The following NTAN1 variants were observed in gnomAD, a reference collection of about 807,000 sequenced individuals.
The protein encoded by NTAN1 is protein N-terminal asparagine amidohydrolase.
NTAN1 carries 32 observed loss-of-function variants against 41.9 expected under a neutral mutation model. That is an observed-to-expected ratio of 0.76 (90% CI 0.58 to 1.03). NTAN1 has a LOEUF of 1.03. Ranked by LOEUF, NTAN1 falls within the 50% of genes least tolerant of loss-of-function variation. NTAN1 has a pLI of 0.00. For synonymous variants in NTAN1, 140 were observed against 139.5 expected, an observed-to-expected ratio of 1.00 and a Z score of -0.03; for missense variants, 377 against 377.5, an observed-to-expected ratio of 1.00 and a Z score of 0.01.
intron 1 of NTAN1, among the ~76,000 whole-genome samples, chr16:15,052,546 A>T (rs1013287538): frequency 5.3e-5 from 8 of 152,178 alleles, no homozygotes; most frequent in Admixed American, 2.0e-4. Context: ...TATATAAGAA[A>T]TTATGAGGCC....
intron 1 of NTAN1, among the ~76,000 whole-genome samples, chr16:15,053,895 GAAC>G (rs2044394531): frequency 6.6e-6 from 1 of 152,140 alleles, no homozygotes; most frequent in South Asian, 2.1e-4. Context: ...CTGGGCCACA[GAAC>G]AAAACTAAGT....
chr16:15,044,288 C>G (rs757361107), intron 5 of NTAN1, 46 bp downstream of exon 5: 1 of 1,310,810 alleles, frequency 7.6e-7, no homozygotes, highest in African/African-American at 1.5e-5. Flanking sequence ...AATATGGGTA[C>G]ATATTTATGT....
In NTAN1 at chr16:15,041,575, C is replaced by T. The variant is rs141773371; in HGVS notation, c.487+48G>A. On this transcript the variant is annotated intron_variant, in intron 6 of 9. Coordinates refer to ENST00000287706, the MANE Select transcript of NTAN1 (RefSeq NM_173474.4). ...GCCCACTGCAAGACTGGGGACAAAACGGTCCTGAGACCCACATCTTTGCTT... is the reference window on the plus strand; with the variant it reads ...GCCCACTGCAAGACTGGGGACAAAATGGTCCTGAGACCCACATCTTTGCTT... The T allele has an allele frequency of 1.1e-4, 147 of 1,352,470 alleles. 1 individual carries two copies. In the African/African-American group the frequency reaches 1.5e-3, roughly 14 times the overall value. The allele number at this position is 1,352,470 out of a possible 1,614,324, so 83.8% of individuals were successfully genotyped here.
Position 15,048,110 on chromosome 16 carries a change from A to G in NTAN1, c.82-11T>C, listed in dbSNP as rs571934106. Reference sequence around the variant, plus strand: ...AAGTCTGGCTCTTTCCTGTTTAATTAAAAAAAAAATAAAATAGTGATGTAA... The same window carrying G: ...AAGTCTGGCTCTTTCCTGTTTAATTGAAAAAAAAATAAAATAGTGATGTAA... On this transcript the variant is annotated splice_polypyrimidine_tract_variant and intron_variant, in intron 1 of 9. Coordinates refer to ENST00000287706, the MANE Select transcript of NTAN1 (RefSeq NM_173474.4). 4.3e-6 allele frequency: 5 copies of G among 1,157,398 alleles called. No individual in the cohort carries two copies. In the South Asian group the frequency reaches 7.6e-5, roughly 18 times the overall value. The allele number at this position is 1,157,398 out of a possible 1,614,324, so 71.7% of individuals were successfully genotyped here.
intron 1 of NTAN1, among the ~76,000 whole-genome samples, chr16:15,048,732 T>C (rs2044179229): frequency 6.6e-6 from 1 of 152,154 alleles, no homozygotes; most frequent in Non-Finnish European, 1.5e-5. Context: ...CAAGCGATCC[T>C]ACCACCTTAG....
In NTAN1 at chr16:15,044,426, G is replaced by A. The variant is rs755891128; in HGVS notation, c.360-19C>T. The A allele has an allele frequency of 5.3e-5, 84 of 1,582,156 alleles. No individual in the cohort carries two copies. The highest frequency in any genetic ancestry group is 2.7e-5 in the African/African-American group (2 of 74,302). On this transcript the variant is annotated intron_variant, in intron 4 of 9. Transcript: ENST00000287706. Reference sequence around the variant, plus strand: ...TTCCAGCCTGGCAAAGAGATGAGACGGGTCAGAGGCCAGAAGAAGACACCG... The same window carrying A: ...TTCCAGCCTGGCAAAGAGATGAGACAGGTCAGAGGCCAGAAGAAGACACCG...
rs139773894 is a variant in NTAN1, at chr16:15,056,017, C to T, written c.-46G>A. On this transcript the variant is annotated 5_prime_UTR_variant, in exon 1 of 10. Coordinates refer to ENST00000287706, the MANE Select transcript of NTAN1 (RefSeq NM_173474.4). ...CAGGCCCAGGGAGGCGGCGGCCCCC[C>T]GCTTTGCAGCCCCGGGCCGCCCGCC... 3.2e-5 allele frequency: 33 copies of T among 1,030,728 alleles called. No individual in the cohort carries two copies. The highest frequency in any genetic ancestry group is 1.2e-4 in the East Asian group (3 of 24,982). 63.8% of individuals were successfully genotyped at this position (1,030,728 alleles called of 1,614,324 possible).
chr16:15,048,070 A>T lies in NTAN1; in HGVS notation c.111T>A (p.Ser37=). 6.2e-7 allele frequency: 1 copy of T among 1,612,348 alleles called. No individual in the cohort carries two copies. Among genetic ancestry groups the T allele is most frequent in the Non-Finnish European group, 8.5e-7 (1 of 1,178,460 alleles). Residue 37 remains serine, a synonymous_variant, in exon 2 of 10, where the codon TCT becomes TCA. Coordinates refer to ENST00000287706, the MANE Select transcript of NTAN1 (RefSeq NM_173474.4). Reference sequence around the variant, plus strand: ...GGCCCTGGGGTCCCACTTGTTGAACAGACTGACCTCTGAGAAGTCTGGCTC... The same window carrying T: ...GGCCCTGGGGTCCCACTTGTTGAACTGACTGACCTCTGAGAAGTCTGGCTC... ...EERARLLRGQ[S]VQQVGPQGLL...
At chr16:15,052,550 T>C (rs1021118421) in intron 1 of NTAN1, among the ~76,000 whole-genome samples, 11 of 152,178 alleles carry the variant, frequency 7.2e-5, no homozygotes, top group African/African-American at 2.7e-4. Flanking sequence ...TAAGAAATTA[T>C]GAGGCCCAAC....
rs529518846 is a variant in NTAN1, at chr16:15,051,173, G to C, written c.82-3074C>G. ...GCAAAGGCGAATTTTTAACACTCAT[G>C]TTCACAATTGGGTCACCACTCAAAA... is the stretch of plus-strand genomic sequence containing the variant. On this transcript the variant is annotated intron_variant, in intron 1 of 9. Transcript: ENST00000287706. Among the ~76,000 whole-genome samples, 3 of 152,372 alleles carry C rather than the reference G, an allele frequency of 2.0e-5. No individual in the cohort carries two copies. The South Asian group carries it at 6.2e-4, about 32-fold the overall frequency.
At chr16:15,038,358 G>C in intron 9 of NTAN1, 148 bp from the exon 10 acceptor site, 1 of 658,010 alleles carries the variant, frequency 1.5e-6, no homozygotes, top group Non-Finnish European at 2.6e-6. Context: ...TAAGAAAAAA[G>C]TTGATTGCTT....
intron 3 of NTAN1, 140 bp downstream of exon 3, chr16:15,047,715 G>A (rs1462313258): frequency 1.9e-5 from 17 of 899,810 alleles, no homozygotes; most frequent in Non-Finnish European, 3.0e-5. Flanking sequence ...CAGGACACCA[G>A]GGAGACACCA....
At chr16:15,050,893 A>T (rs2044267177) in intron 1 of NTAN1, among the ~76,000 whole-genome samples, 1 of 151,398 alleles carries the variant, frequency 6.6e-6, no homozygotes. Context: ...GAAACAAACT[A>T]AAGATTAAAT....
At chr16:15,048,432 C>T (rs2044167243) in intron 1 of NTAN1, among the ~76,000 whole-genome samples, 1 of 152,120 alleles carries the variant, frequency 6.6e-6, no homozygotes, top group African/African-American at 2.4e-5. Flanking sequence ...GTTGCCCAGG[C>T]TGGTCTTGAA....
intron 1 of NTAN1, among the ~76,000 whole-genome samples, chr16:15,050,034 G>T (rs1040756628): frequency 2.0e-5 from 3 of 152,158 alleles, no homozygotes; most frequent in African/African-American, 4.8e-5. Context: ...TCCTGTTGCT[G>T]TTGTCCTCTC....
intron 3 of NTAN1, 100 bp from the exon 4 acceptor site, chr16:15,047,650 T>G: frequency 5.0e-6 from 5 of 995,696 alleles, no homozygotes; most frequent in Non-Finnish European, 8.1e-6. Flanking sequence ...CATCTTTGAA[T>G]ATCCTGTAGG....
intron 3 of NTAN1, 107 bp downstream of exon 3, chr16:15,047,748 C>T (rs1217902135): frequency 9.7e-6 from 10 of 1,035,538 alleles, no homozygotes; most frequent in East Asian, 4.7e-5. Flanking sequence ...AAAAGGTAAG[C>T]GGAGTCCGCT....
At chr16:15,039,267 C>CTCCTTGAGAAGTCCTAA (rs1338849310) in intron 8 of NTAN1, among the ~76,000 whole-genome samples, 1 of 152,186 alleles carries the variant, frequency 6.6e-6, no homozygotes, top group East Asian at 1.9e-4. Context: ...GCCTGTTACA[C>CTCCTTGAGAAGTCCTAA]TCCTTGAGAA....
intron 3 of NTAN1, 86 bp downstream of exon 3, chr16:15,047,769 C>T (rs2044134984): frequency 2.6e-6 from 3 of 1,171,862 alleles, no homozygotes; most frequent in Non-Finnish European, 3.9e-6. Flanking sequence ...TCCAACAAGA[C>T]ACCAGGAAAC....
Sources: gnomAD v4.1 joint callset for allele counts (sites outside exome capture counted in the v4.1 genomes callset) on GRCh38, gnomAD v4.1.1 for gene constraint, MANE v1.5 for transcripts, NCBI Gene and HGNC (gene_info 2026-07-23, HGNC 2026-07-21) for gene names.